CDH13: variants seen among roughly 807,000 people sequenced by gnomAD.
The protein encoded by CDH13 is cadherin-13.
Under a neutral mutation model 63.8 loss-of-function variants are expected in CDH13, and 24 were observed. That is an observed-to-expected ratio of 0.38 (90% CI 0.27 to 0.53). CDH13 has a LOEUF of 0.53. CDH13 is among the 20% of genes least tolerant of loss of function. The pLI, the probability that CDH13 is intolerant of heterozygous loss-of-function variation, is 0.85. For synonymous variants in CDH13, 503 were observed against 355.3 expected (o/e 1.42, Z -4.67); for missense variants, 1,049 against 903.1 (o/e 1.16, Z -2.07).
intron 8 of CDH13, 21 bp downstream of exon 8, chr16:83,602,615 C>T (rs749576445): frequency 1.2e-6 from 2 of 1,613,206 alleles, no homozygotes; most frequent in South Asian, 2.2e-5. Context: ...GTGCCAAACA[C>T]CAACCACCAC....
At chr16:83,098,980 T>C (rs535645963) in intron 3 of CDH13, among the ~76,000 whole-genome samples, 1 of 152,100 alleles carries the variant, frequency 6.6e-6, no homozygotes, top group Non-Finnish European at 1.5e-5. Flanking sequence ...GAATGCACTT[T>C]AAAAGAAAAA....
chr16:83,304,266 A>T (rs1243088002), intron 5 of CDH13, among the ~76,000 whole-genome samples: 1 of 152,102 alleles, frequency 6.6e-6, no homozygotes, highest in Non-Finnish European at 1.5e-5. Flanking sequence ...ATGAAATTGG[A>T]TGTGTCAGTT....
At chr16:83,296,218 T>C (rs2089593678) in intron 5 of CDH13, among the ~76,000 whole-genome samples, 2 of 152,188 alleles carry the variant, frequency 1.3e-5, no homozygotes, top group South Asian at 2.1e-4. Context: ...TTCTCTGTCC[T>C]TAGTTGCTTT....
chr16:82,828,296 A>G (rs866840909), intron 1 of CDH13, among the ~76,000 whole-genome samples: 9 of 152,278 alleles, frequency 5.9e-5, no homozygotes, highest in African/African-American at 2.2e-4. Context: ...CAGGCTCCAC[A>G]TCTGCGGATT....
At chr16:82,817,850 C>T (rs745896784) in intron 1 of CDH13, among the ~76,000 whole-genome samples, 5 of 152,134 alleles carry the variant, frequency 3.3e-5, no homozygotes, top group Non-Finnish European at 4.4e-5. Flanking sequence ...TAAAAGCATG[C>T]ACGCATGCAT....
chr16:83,069,264 A>G (rs2032257388), intron 3 of CDH13, among the ~76,000 whole-genome samples: 1 of 152,220 alleles, frequency 6.6e-6, no homozygotes, highest in Admixed American at 6.5e-5. Context: ...AACACCAATC[A>G]GTATTCATCC....
intron 3 of CDH13, among the ~76,000 whole-genome samples, chr16:83,043,114 C>G (rs1332966064): frequency 3.3e-5 from 5 of 152,216 alleles, no homozygotes; most frequent in Admixed American, 2.6e-4. Context: ...CATCTTGACA[C>G]ATGCCTAAAT....
intron 6 of CDH13, among the ~76,000 whole-genome samples, chr16:83,388,401 C>T (rs997873465): frequency 6.6e-6 from 1 of 151,906 alleles, no homozygotes; most frequent in African/African-American, 2.4e-5. Flanking sequence ...TACTTTGAGT[C>T]GTGATTGTAC....
chr16:82,641,760 A>G (rs924965066), intron 1 of CDH13, among the ~76,000 whole-genome samples: 5 of 152,124 alleles, frequency 3.3e-5, no homozygotes, highest in African/African-American at 1.2e-4. Context: ...AGTGCTCAAC[A>G]CTTTTCTAGG....
intron 6 of CDH13, among the ~76,000 whole-genome samples, chr16:83,404,673 A>G (rs2092015596): frequency 6.6e-6 from 1 of 152,204 alleles, no homozygotes; most frequent in Non-Finnish European, 1.5e-5. Context: ...AATTCCTCCT[A>G]TGTGCCTAAA....
At chr16:82,753,162 A>G (rs1305527802) in intron 1 of CDH13, among the ~76,000 whole-genome samples, 1 of 152,180 alleles carries the variant, frequency 6.6e-6, no homozygotes, top group Non-Finnish European at 1.5e-5. Flanking sequence ...AGTCCATGGA[A>G]ACAGCCTCTC....
intron 10 of CDH13, among the ~76,000 whole-genome samples, chr16:83,739,103 T>G (rs567148985): frequency 1.3e-5 from 2 of 152,270 alleles, no homozygotes; most frequent in Admixed American, 6.5e-5. Context: ...ATCTTGGATG[T>G]GGGGAGGGCT....
At chr16:83,587,468 G>A (rs12923174) in intron 7 of CDH13, among the ~76,000 whole-genome samples, 50,680 of 152,116 alleles carry the variant, frequency 0.33, 9,627 homozygotes, top group East Asian at 0.63. Flanking sequence ...TTTTCTGGAC[G>A]TTTTGACCAG....
chr16:83,016,621 C>G (rs896838551), intron 2 of CDH13, among the ~76,000 whole-genome samples: 10 of 152,262 alleles, frequency 6.6e-5, no homozygotes, highest in Admixed American at 2.0e-4. Context: ...TTGTCAAAGC[C>G]TTGTGCATTC....
chr16:83,253,027 G>T (rs1352018323), intron 5 of CDH13, among the ~76,000 whole-genome samples: 1 of 152,102 alleles, frequency 6.6e-6, no homozygotes, highest in African/African-American at 2.4e-5. Flanking sequence ...GGTATTGCGT[G>T]CCAAACCCTT....
chr16:83,079,212 G>C (rs934269152), intron 3 of CDH13, among the ~76,000 whole-genome samples: 2 of 152,206 alleles, frequency 1.3e-5, no homozygotes, highest in Admixed American at 1.3e-4. Context: ...GGGCTACTCA[G>C]CTATACCAGA....
intron 11 of CDH13, among the ~76,000 whole-genome samples, chr16:83,762,529 C>G (rs1178526103): frequency 6.6e-6 from 1 of 152,208 alleles, no homozygotes; most frequent in Non-Finnish European, 1.5e-5. Flanking sequence ...GTCAATACCA[C>G]TCCTGCCTAC....
intron 2 of CDH13, among the ~76,000 whole-genome samples, chr16:83,000,326 G>T (rs1912762733): frequency 8.1e-6 from 1 of 124,122 alleles, no homozygotes; most frequent in Non-Finnish European, 1.6e-5. Context: ...TCGGCTCGCT[G>T]CAACCTCCAC....
intron 1 of CDH13, among the ~76,000 whole-genome samples, chr16:82,777,806 T>A (rs1470593650): frequency 1.3e-5 from 2 of 152,130 alleles, no homozygotes; most frequent in Non-Finnish European, 2.9e-5. Flanking sequence ...TTTTTCAGGC[T>A]GCTGGACTGA....
Sources: allele counts gnomAD v4.1 joint callset (sites outside exome capture counted in the v4.1 genomes callset), GRCh38; gene constraint gnomAD v4.1.1; transcripts MANE v1.5; gene names NCBI Gene and HGNC (gene_info 2026-07-23, HGNC 2026-07-21).